COL25A1: variants seen among roughly 807,000 people sequenced by gnomAD.
COL25A1 encodes the protein collagen type XXV alpha 1 chain.
COL25A1 carries 103 observed loss-of-function variants against 128.4 expected under a neutral mutation model. The observed-to-expected ratio is 0.80, with a 90% CI of 0.68 to 0.94. The LOEUF is 0.94. Among genes scored for constraint, COL25A1 ranks in the 40% least tolerant of loss-of-function variants. The pLI is 0.00. For synonymous variants in COL25A1, 279 were observed against 277.2 expected, an observed-to-expected ratio of 1.01 and a Z score of -0.06; for missense variants, 745 against 840.0, an observed-to-expected ratio of 0.89 and a Z score of 1.40.
At position 109,077,060 on chromosome 4, in the gene COL25A1, G is replaced by A. The variant is rs1257021275; in HGVS notation, c.368-26881C>T. 2.0e-5 allele frequency among the ~76,000 whole-genome samples: 3 copies of A among 152,098 alleles called. No individual in the cohort carries two copies. The East Asian group carries it at 5.8e-4, about 29-fold the overall frequency. The stretch of plus-strand genomic sequence containing the variant: ...GGGACTGGGGACCTCTGCAGTAAAG[G>A]GTCCTGCAATGATTGCTCTTGCTGT... On this transcript the variant is annotated intron_variant, in intron 3 of 37. Coordinates refer to ENST00000399132, the MANE Select transcript of COL25A1 (RefSeq NM_198721.4).
chr4:109,021,605 A>T (rs1424395310), intron 5 of COL25A1, among the ~76,000 whole-genome samples: 1 of 152,196 alleles, frequency 6.6e-6, no homozygotes, highest in Non-Finnish European at 1.5e-5. Context: ...TTAAGGAATA[A>T]GGGAAGACAA....
chr4:109,246,477 A>C (rs1456700234), intron 3 of COL25A1, among the ~76,000 whole-genome samples: 1 of 152,172 alleles, frequency 6.6e-6, no homozygotes, highest in Non-Finnish European at 1.5e-5. Context: ...CCAATTCTCA[A>C]GGAATTCTTG....
chr4:108,899,025 A>G, intron 15 of COL25A1, 129 bp downstream of exon 15: 1 of 703,602 alleles, frequency 1.4e-6, no homozygotes, highest in Non-Finnish European at 2.4e-6. Context: ...CTACCTACCT[A>G]CCTATTAATC....
At chr4:108,823,873 T>C (rs1732059985) in intron 35 of COL25A1, 1 of 1,355,202 alleles carries the variant, frequency 7.4e-7, no homozygotes, top group South Asian at 1.7e-5. Flanking sequence ...CTTTTTAAAA[T>C]GATTTTTTTT....
chr4:108,871,433 A>T (rs1307417862), intron 19 of COL25A1, among the ~76,000 whole-genome samples: 1 of 151,984 alleles, frequency 6.6e-6, no homozygotes, highest in Non-Finnish European at 1.5e-5. Context: ...TTCCTGCCTC[A>T]GCCTCCCGAG....
At chr4:108,936,751 T>G (rs1195495145) in intron 11 of COL25A1, among the ~76,000 whole-genome samples, 1 of 150,160 alleles carries the variant, frequency 6.7e-6, no homozygotes, top group African/African-American at 2.4e-5. Flanking sequence ...GAAGCCTTGT[T>G]GATTCCTGAC....
chr4:108,865,137 G>C (rs1369666037), intron 20 of COL25A1, among the ~76,000 whole-genome samples: 1 of 152,126 alleles, frequency 6.6e-6, no homozygotes, highest in Non-Finnish European at 1.5e-5. Flanking sequence ...AGAGTGTCTG[G>C]CTTCTTGCAT....
intron 3 of COL25A1, among the ~76,000 whole-genome samples, chr4:109,212,888 A>G (rs2126199221): frequency 6.6e-6 from 1 of 152,320 alleles, no homozygotes. Flanking sequence ...CTGCGGCAGA[A>G]GACAGTAAGA....
chr4:109,202,683 G>A lies in COL25A1; in HGVS notation c.367+97900C>T, dbSNP rs1319240176. Among the ~76,000 whole-genome samples the A allele has an allele frequency of 3.3e-5, 5 of 151,916 alleles. No homozygotes were observed. In the East Asian group the frequency reaches 9.7e-4, roughly 29 times the overall value. ...AAAAGACACTGTTAAGAGAATGAAG[G>A]GACAAGCCACATACTGGGAAAAATA... On this transcript the variant is annotated intron_variant, in intron 3 of 37. Coordinates refer to ENST00000399132, the MANE Select transcript of COL25A1 (RefSeq NM_198721.4).
At chr4:108,908,027 G>A (rs1743734625) in intron 13 of COL25A1, among the ~76,000 whole-genome samples, 1 of 152,170 alleles carries the variant, frequency 6.6e-6, no homozygotes, top group Non-Finnish European at 1.5e-5. Context: ...GCTAGTTGTT[G>A]TTGCTGCTCT....
At chr4:108,892,520 G>A (rs1741630409) in intron 16 of COL25A1, among the ~76,000 whole-genome samples, 1 of 152,194 alleles carries the variant, frequency 6.6e-6, no homozygotes, top group African/African-American at 2.4e-5. Context: ...GATGCTGAGA[G>A]CTGGGAGATA....
At chr4:109,230,510 T>C (rs2126219844) in intron 3 of COL25A1, among the ~76,000 whole-genome samples, 2 of 152,320 alleles carry the variant, frequency 1.3e-5, no homozygotes, top group South Asian at 4.1e-4. Flanking sequence ...GTGGCCTTAA[T>C]TAAGTCACAT....
At chr4:109,208,656 C>T (rs761090608) in intron 3 of COL25A1, among the ~76,000 whole-genome samples, 2 of 152,012 alleles carry the variant, frequency 1.3e-5, no homozygotes, top group African/African-American at 2.4e-5. Context: ...AACCACATTA[C>T]GAAGGAAAGT....
intron 3 of COL25A1, among the ~76,000 whole-genome samples, chr4:109,207,880 T>TA (rs1394073893): frequency 6.6e-6 from 1 of 152,168 alleles, no homozygotes; most frequent in Non-Finnish European, 1.5e-5. Flanking sequence ...TATACTCTAT[T>TA]AAAGAATTGC....
chr4:109,161,476 TTATAA>T lies in COL25A1; in HGVS notation c.368-111302_368-111298del, dbSNP rs536440005. ...ATCTACATCAAGTAACATTATATTG[TTATAA>T]TATAATTACCTGAATTGATTGTTTA... On this transcript the variant is annotated intron_variant, in intron 3 of 37. Coordinates refer to ENST00000399132, the MANE Select transcript of COL25A1 (RefSeq NM_198721.4). Among the ~76,000 whole-genome samples the T allele has an allele frequency of 4.8e-3, 730 of 152,318 alleles. 1 individual carries two copies. The highest frequency in any genetic ancestry group is 8.7e-3 in the Non-Finnish European group (592 of 68,040).
chr4:109,251,892 C>T (rs574150076), intron 3 of COL25A1, among the ~76,000 whole-genome samples: 1 of 152,186 alleles, frequency 6.6e-6, no homozygotes, highest in Non-Finnish European at 1.5e-5. Context: ...GGAACCTTGC[C>T]TCAGCCTTGC....
chr4:109,103,451 T>G (rs1256276519), intron 3 of COL25A1, among the ~76,000 whole-genome samples: 1 of 152,258 alleles, frequency 6.6e-6, no homozygotes, highest in East Asian at 1.9e-4. Context: ...AAATAAAAAT[T>G]TATTTCCCAC....
chr4:109,000,806 A>G (rs1442588323), intron 6 of COL25A1, among the ~76,000 whole-genome samples: 1 of 144,914 alleles, frequency 6.9e-6, no homozygotes, highest in East Asian at 1.9e-4. Flanking sequence ...CAGGATTCAG[A>G]AAAAGGGAGA....
At chr4:109,182,158 A>G (rs1280861283) in intron 3 of COL25A1, among the ~76,000 whole-genome samples, 2 of 152,130 alleles carry the variant, frequency 1.3e-5, no homozygotes, top group Non-Finnish European at 2.9e-5. Flanking sequence ...TGAGATGAAC[A>G]TGGAAATGCA....
Sources: allele counts gnomAD v4.1 joint callset (sites outside exome capture counted in the v4.1 genomes callset), GRCh38; gene constraint gnomAD v4.1.1; transcripts MANE v1.5; gene names NCBI Gene and HGNC (gene_info 2026-07-23, HGNC 2026-07-21).